Variants in TMEM260 observed in about 807,000 individuals in gnomAD.
TMEM260 encodes protein O-mannosyl-transferase TMEM260.
In TMEM260, 82 loss-of-function variants were observed where a neutral mutation model predicts 88.9. That is an observed-to-expected ratio of 0.92 (90% CI 0.77 to 1.11). TMEM260 has a LOEUF of 1.11. TMEM260 is among the 50% of genes least tolerant of loss of function. The probability of loss-of-function intolerance (pLI) is 0.00; values close to 1 mark genes in which losing one functional copy is unlikely to be tolerated. For missense variants in TMEM260, 902 were observed against 853.4 expected (o/e 1.06, Z -0.71); for synonymous variants, 314 against 309.3 (o/e 1.02, Z -0.16).
At chr14:56,608,956 T>C (rs1354492221) in intron 5 of TMEM260, 150 bp from the exon 6 acceptor site, 2 of 842,084 alleles carry the variant, frequency 2.4e-6, no homozygotes, top group African/African-American at 1.7e-5. Context: ...AATCAGAAGG[T>C]TTAACATAGT....
chr14:56,630,836 A>G (rs1463668770), intron 12 of TMEM260, among the ~76,000 whole-genome samples: 1 of 152,276 alleles, frequency 6.6e-6, no homozygotes, highest in South Asian at 2.1e-4. Context: ...TTGTTTAGCA[A>G]GCCCTTGGCC....
intron 5 of TMEM260, among the ~76,000 whole-genome samples, chr14:56,608,182 T>A (rs1412728051): frequency 2.6e-5 from 4 of 152,190 alleles, no homozygotes; most frequent in Admixed American, 2.0e-4. Flanking sequence ...AATGCTAACA[T>A]AAATCAACTG....
intron 2 of TMEM260, among the ~76,000 whole-genome samples, chr14:56,585,452 TC>T (rs1360166336): frequency 6.6e-6 from 1 of 152,136 alleles, no homozygotes; most frequent in Non-Finnish European, 1.5e-5. Flanking sequence ...CTGCTTTTTT[TC>T]AATAGCCTTT....
chr14:56,581,993 T>C (rs1217434668), intron 1 of TMEM260, among the ~76,000 whole-genome samples: 3 of 152,222 alleles, frequency 2.0e-5, no homozygotes, highest in Admixed American at 6.5e-5. Flanking sequence ...TTACCAAACT[T>C]TAGGTGCTTT....
chr14:56,650,224 C>G (rs549512443), downstream of TMEM260: 128 of 361,238 alleles, frequency 3.5e-4, 2 homozygotes, highest in South Asian at 2.6e-3. Flanking sequence ...AAGACAGGAA[C>G]CCCACAAGGC....
At chr14:56,601,686 A>T (rs1227028043) in intron 3 of TMEM260, among the ~76,000 whole-genome samples, 1 of 152,176 alleles carries the variant, frequency 6.6e-6, no homozygotes, top group Non-Finnish European at 1.5e-5. Flanking sequence ...GGAAAGGCCA[A>T]TGATGTCCTT....
chr14:56,646,954 A>G (rs530560870), intron 15 of TMEM260, among the ~76,000 whole-genome samples: 1 of 152,238 alleles, frequency 6.6e-6, no homozygotes, highest in African/African-American at 2.4e-5. Flanking sequence ...CTTCCCCAGA[A>G]CATCTTTCTG....
chr14:56,631,673 A>G (rs561489439), intron 12 of TMEM260, among the ~76,000 whole-genome samples: 3 of 151,546 alleles, frequency 2.0e-5, no homozygotes, highest in Admixed American at 6.6e-5. Context: ...AGTTGTATGC[A>G]TGCTCACTTG....
chr14:56,625,659 C>G (rs1243530999), intron 12 of TMEM260, 129 bp downstream of exon 12: 1 of 655,922 alleles, frequency 1.5e-6, no homozygotes. Context: ...GTGAGATTAT[C>G]TTTGTAATTA....
intron 14 of TMEM260, among the ~76,000 whole-genome samples, chr14:56,636,224 A>G (rs1260765013): frequency 6.6e-6 from 1 of 152,132 alleles, no homozygotes; most frequent in Non-Finnish European, 1.5e-5. Context: ...CTTCTCTTGC[A>G]TAACAATAAC....
chr14:56,636,376 G>T, intron 14 of TMEM260, 132 bp from the exon 15 acceptor site: 1 of 694,214 alleles, frequency 1.4e-6, no homozygotes, highest in South Asian at 1.9e-5. Context: ...CCATGAATAT[G>T]AGAGAATTGA....
At chr14:56,645,439 A>T (rs1041475792) in intron 15 of TMEM260, among the ~76,000 whole-genome samples, 2 of 152,032 alleles carry the variant, frequency 1.3e-5, no homozygotes, top group African/African-American at 4.8e-5. Flanking sequence ...TGGGAATTGA[A>T]CAATGAGAAC....
intron 14 of TMEM260, 81 bp downstream of exon 14, chr14:56,635,033 G>GTA: frequency 8.7e-7 from 1 of 1,152,078 alleles, no homozygotes; most frequent in Non-Finnish European, 1.3e-6. Flanking sequence ...AATTTTGAGA[G>GTA]TAGGGGTGAG....
At chr14:56,653,123 G>A (rs899586415), downstream of TMEM260, among the ~76,000 whole-genome samples, 6 of 151,400 alleles carry the variant, frequency 4.0e-5, no homozygotes, top group East Asian at 2.0e-4. Flanking sequence ...GCGAAACCCC[G>A]TCTCTACTAA....
chr14:56,584,793 T>C (rs575620974), intron 1 of TMEM260, among the ~76,000 whole-genome samples: 1 of 152,280 alleles, frequency 6.6e-6, no homozygotes, highest in Admixed American at 6.5e-5. Flanking sequence ...ACTGACCACT[T>C]CTTAAAGACT....
downstream of TMEM260, among the ~76,000 whole-genome samples, chr14:56,652,955 TTGAG>T (rs1890231621): frequency 6.6e-6 from 1 of 152,096 alleles, no homozygotes; most frequent in African/African-American, 2.4e-5. Flanking sequence ...ATGAAGTCAA[TTGAG>T]TGAGAATTGA....
chr14:56,593,412 T>C (rs1321805918), intron 3 of TMEM260: 2 of 152,294 alleles, frequency 1.3e-5, no homozygotes, highest in East Asian at 3.9e-4. Flanking sequence ...TCTCCTGGAA[T>C]GTGAATTACG....
chr14:56,589,820 G>A (rs538338791), intron 3 of TMEM260, among the ~76,000 whole-genome samples: 15 of 152,280 alleles, frequency 9.9e-5, no homozygotes, highest in African/African-American at 2.9e-4. Flanking sequence ...TTGATTCTGA[G>A]CACTGTGTCT....
intron 6 of TMEM260, among the ~76,000 whole-genome samples, chr14:56,610,527 C>T (rs1260972517): frequency 2.0e-5 from 3 of 152,168 alleles, no homozygotes; most frequent in Non-Finnish European, 4.4e-5. Context: ...CAGGCGTGAG[C>T]CACCGCGCCC....
Sources: allele counts gnomAD v4.1 joint callset (sites outside exome capture counted in the v4.1 genomes callset), GRCh38; gene constraint gnomAD v4.1.1; transcripts MANE v1.5; gene names NCBI Gene and HGNC (gene_info 2026-07-23, HGNC 2026-07-21).